ARGFX: variants seen among roughly 807,000 people sequenced by gnomAD.
ARGFX encodes arginine-fifty homeobox.
Under a neutral mutation model 8.0 loss-of-function variants are expected in ARGFX, and 10 were observed. The ratio of observed to expected loss-of-function variants is 1.25; its 90% CI spans 0.77 to 2.12. ARGFX has a LOEUF of 2.12. Ranked by LOEUF, ARGFX falls within the 30% of genes most tolerant of loss-of-function variation. The pLI is 0.00. For synonymous variants in ARGFX, 116 were observed against 117.8 expected, an observed-to-expected ratio of 0.98 and a Z score of 0.10; for missense variants, 282 against 324.3, an observed-to-expected ratio of 0.87 and a Z score of 1.00.
Position 121,586,199 on chromosome 3 carries a change from C to A in ARGFX, c.547C>A (p.Pro183Thr). Residue 183 changes from proline (P) to threonine (T), a missense_variant, in exon 5 of 5, where the codon CCC (proline) becomes ACC (threonine). Pro to Thr is a conservative substitution (Grantham distance 38). Coordinates refer to ENST00000334384, the MANE Select transcript of ARGFX (RefSeq NM_001012659.2). ...TTTCTACAGCTCCCTTCCATCTCAG[C>A]CCTTAGACCCTTCCAATTGGGCATG... ...SDFYSSLPSQ[P>T]LDPSNWAWNS... The A allele has an allele frequency of 6.2e-7, 1 of 1,613,964 alleles. No individual in the cohort carries two copies. Among genetic ancestry groups the A allele is most frequent in the Non-Finnish European group, 8.5e-7 (1 of 1,179,942 alleles).
intron 3 of ARGFX, 80 bp from the exon 4 acceptor site, chr3:121,584,837 T>A (rs2048801630): frequency 6.7e-7 from 1 of 1,494,244 alleles, no homozygotes; most frequent in Non-Finnish European, 9.1e-7. Context: ...GTGATTTGTT[T>A]TTTGGTTTTT....
rs1427513243 is a variant in ARGFX at position 121,586,795 on chromosome 3, C to G, written c.*195C>G. On this transcript the variant is annotated 3_prime_UTR_variant, in exon 5 of 5. Transcript: ENST00000334384. ...CAGCCCCACAAGTCTCCCTGAGAAG[C>G]CTGCCTAGTCCCTTTCATGGCCAAT... 2.6e-5 allele frequency among the ~76,000 whole-genome samples: 4 copies of G among 152,192 alleles called. No individual in the cohort carries two copies. The East Asian group carries it at 7.7e-4, about 29-fold the overall frequency.
At chr3:121,582,953 G>C (rs2048789006) in intron 3 of ARGFX, among the ~76,000 whole-genome samples, 1 of 151,480 alleles carries the variant, frequency 6.6e-6, no homozygotes, top group Non-Finnish European at 1.5e-5. Context: ...CAATTTTCCT[G>C]CCTTGGCCTC....
chr3:121,589,836 A>C lies in ARGFX; in HGVS notation c.*3236A>C. ...TTAAAATTCTTAAGAAAACTTCACTAATATATAGTCATAATGTGGTATATT... is the reference window on the plus strand; with the variant it reads ...TTAAAATTCTTAAGAAAACTTCACTCATATATAGTCATAATGTGGTATATT... On this transcript the variant is annotated 3_prime_UTR_variant, in exon 5 of 5. Coordinates refer to ENST00000334384, the MANE Select transcript of ARGFX (RefSeq NM_001012659.2). 6.6e-6 allele frequency among the ~76,000 whole-genome samples: 1 copy of C among 152,236 alleles called. No homozygotes were observed. Among genetic ancestry groups the C allele is most frequent in the East Asian group, 1.9e-4 (1 of 5,206 alleles).
chr3:121,570,740 T>C lies in ARGFX; in HGVS notation c.27T>C (p.Asn9=), dbSNP rs1237863799. The part of the protein sequence containing the change: MRNRMAPE[N]PQPDPFINRN... The stretch of plus-strand genomic sequence containing the variant: ...TGAGGAACAGAATGGCCCCAGAGAA[T>C]CCCCAGCCAGACCCTTTCATCAATA... The change falls in exon 2 of 5, where the codon AAT becomes AAC. Residue 9 remains asparagine (N), a synonymous_variant. Coordinates refer to ENST00000334384, the MANE Select transcript of ARGFX (RefSeq NM_001012659.2). 1.2e-6 allele frequency: 2 copies of C among 1,610,794 alleles called. No homozygotes were observed. The highest frequency in any genetic ancestry group is 1.7e-6 in the Non-Finnish European group (2 of 1,178,666).
intron 2 of ARGFX, among the ~76,000 whole-genome samples, chr3:121,571,604 C>T (rs1309953498): frequency 2.0e-5 from 3 of 151,442 alleles, no homozygotes; most frequent in Admixed American, 6.6e-5. Flanking sequence ...GCTCTGTCAC[C>T]CAGGCTGGCA....
At chr3:121,578,980 A>T (rs373230793) in intron 3 of ARGFX, among the ~76,000 whole-genome samples, 7 of 152,206 alleles carry the variant, frequency 4.6e-5, no homozygotes, top group African/African-American at 1.7e-4. Flanking sequence ...CCCGGCCTGA[A>T]AAGTACTGTT....
At chr3:121,570,373 T>A (rs1270854319) in intron 1 of ARGFX, among the ~76,000 whole-genome samples, 1 of 152,262 alleles carries the variant, frequency 6.6e-6, no homozygotes, top group Non-Finnish European at 1.5e-5. Flanking sequence ...TTGTTTCTGA[T>A]GAGAAATCTG....
At chr3:121,568,900 T>C (rs2048689676) in intron 1 of ARGFX, among the ~76,000 whole-genome samples, 1 of 152,236 alleles carries the variant, frequency 6.6e-6, no homozygotes, top group Non-Finnish European at 1.5e-5. Flanking sequence ...GTTATTGCTG[T>C]TCCAATTTTT....
At chr3:121,577,706 T>C (rs1470905117) in intron 3 of ARGFX, among the ~76,000 whole-genome samples, 1 of 152,242 alleles carries the variant, frequency 6.6e-6, no homozygotes, top group African/African-American at 2.4e-5. Flanking sequence ...TTAATGCCTT[T>C]ACATTAATAA....
rs2048837365 is a variant in ARGFX at position 121,590,435 on chromosome 3, T to G, written c.*3835T>G. On this transcript the variant is annotated 3_prime_UTR_variant, in exon 5 of 5. Transcript: ENST00000334384. ...AAAAGGATGAGTTCGGCCTTCTTCT[T>G]CCCCAAAATCTTTATCCCCACCCCC... Among the ~76,000 whole-genome samples, 1 of 152,034 alleles carries G rather than the reference T, an allele frequency of 6.6e-6. No homozygotes were observed. Among genetic ancestry groups the G allele is most frequent in the Admixed American group, 6.6e-5 (1 of 15,242 alleles).
intron 2 of ARGFX, among the ~76,000 whole-genome samples, chr3:121,574,270 A>G (rs1037524653): frequency 6.6e-6 from 1 of 152,198 alleles, no homozygotes; most frequent in African/African-American, 2.4e-5. Flanking sequence ...TGGTTTGTGG[A>G]AGACAGTTTT....
chr3:121,576,229 A>C (rs1282850806), intron 2 of ARGFX, among the ~76,000 whole-genome samples: 6 of 152,200 alleles, frequency 3.9e-5, no homozygotes, highest in South Asian at 2.1e-4. Flanking sequence ...TGATGTCATC[A>C]ACAGTGCCCA....
At chr3:121,578,845 T>A (rs1279885449) in intron 3 of ARGFX, among the ~76,000 whole-genome samples, 2 of 150,782 alleles carry the variant, frequency 1.3e-5, no homozygotes, top group Non-Finnish European at 3.0e-5. Context: ...TATTTTTTTT[T>A]TTTTTGTATT....
intron 3 of ARGFX, among the ~76,000 whole-genome samples, chr3:121,580,214 C>T (rs189259133): frequency 1.3e-4 from 20 of 151,842 alleles, no homozygotes; most frequent in Admixed American, 1.2e-3. Context: ...AAGACCTTAT[C>T]TTACTGCAAC....
chr3:121,572,260 A>G (rs2048713841), intron 2 of ARGFX, among the ~76,000 whole-genome samples: 1 of 136,994 alleles, frequency 7.3e-6, no homozygotes, highest in Non-Finnish European at 1.6e-5. Context: ...TTTTTTTTAA[A>G]GACGGAGTTT....
chr3:121,570,596 T>C, intron 1 of ARGFX, 106 bp from the exon 2 acceptor site: 2 of 574,464 alleles, frequency 3.5e-6, no homozygotes, highest in Admixed American at 3.7e-5. Context: ...GGGGTTAACC[T>C]CACTTGCCAG....
rs1389571553 is a variant in ARGFX at position 121,577,273 on chromosome 3, A to T, written c.220+373A>T. ...TATATATATATATTTTTTTTTTTTT[A>T]AATGGAGTCTCACTTTTTCTCCCAG... On this transcript the variant is annotated intron_variant, in intron 3 of 4. Transcript: ENST00000334384. Among the ~76,000 whole-genome samples, 21 of 63,406 alleles carry T rather than the reference A, an allele frequency of 3.3e-4. No individual in the cohort carries two copies. The East Asian group carries it at 4.3e-3, about 13-fold the overall frequency. 41.6% of individuals were successfully genotyped at this position (63,406 alleles called of 152,430 possible).
intron 2 of ARGFX, among the ~76,000 whole-genome samples, chr3:121,571,092 G>T (rs2048705544): frequency 6.6e-6 from 1 of 152,168 alleles, no homozygotes; most frequent in African/African-American, 2.4e-5. Context: ...TAGACAGATA[G>T]AAACTGAGAA....
Sources: gnomAD v4.1 joint callset for allele counts (sites outside exome capture counted in the v4.1 genomes callset) on GRCh38, gnomAD v4.1.1 for gene constraint, MANE v1.5 for transcripts, NCBI Gene and HGNC (gene_info 2026-07-23, HGNC 2026-07-21) for gene names.